The following SLC26A11 variants were observed in gnomAD, a reference collection of about 807,000 sequenced individuals.
The protein encoded by SLC26A11 is sodium-independent sulfate anion transporter.
In SLC26A11, 58 loss-of-function variants were observed where a neutral mutation model predicts 62.2. That is an observed-to-expected ratio of 0.93 (90% confidence interval 0.76 to 1.16). SLC26A11 has a LOEUF of 1.16. Ranked by LOEUF, SLC26A11 falls within the 50% of genes most tolerant of loss-of-function variation. The pLI, the probability that SLC26A11 is intolerant of heterozygous loss-of-function variation, is 0.00. For missense variants in SLC26A11, 790 were observed against 794.3 expected (o/e 0.99, Z 0.06); for synonymous variants, 411 against 368.9 (o/e 1.11, Z -1.31).
Position 80,227,833 on chromosome 17 carries a change from C to G in SLC26A11, c.609C>G (p.Val203=), listed in dbSNP as rs749451549. 1.2e-5 allele frequency: 19 copies of G among 1,603,896 alleles called. No homozygotes were observed. Among genetic ancestry groups the G allele is most frequent in the African/African-American group, 2.7e-5 (2 of 74,926 alleles). ...CTGTCCACAGGGTAGGTGACGCCGT[C>G]CTGGGGCTGGTCTGCATGCTGCTGC... ...RIAETRVGDA[V]LGLVCMLLLL... The change falls in exon 7 of 18, where the codon GTC becomes GTG. Residue 203 remains valine, a synonymous_variant. Transcript: ENST00000361193.
chr17:80,240,195 G>A (rs1283332901), intron 9 of SLC26A11, among the ~76,000 whole-genome samples: 3 of 152,040 alleles, frequency 2.0e-5, no homozygotes, highest in Non-Finnish European at 4.4e-5. Flanking sequence ...GTGAAACCCC[G>A]TCTCTACTAA....
In SLC26A11 at chr17:80,228,929, C is replaced by G. The variant is rs992776053; in HGVS notation, c.736+969C>G. Among the ~76,000 whole-genome samples, 1 of 152,170 alleles carries G rather than the reference C, an allele frequency of 6.6e-6. No homozygotes were observed. The highest frequency in any genetic ancestry group is 1.5e-5 in the Non-Finnish European group (1 of 68,012). On this transcript the variant is annotated intron_variant, in intron 7 of 17. Coordinates refer to ENST00000361193, the MANE Select transcript of SLC26A11 (RefSeq NM_001166347.2). This position sits in a 1 kb window ranked among gnomAD's most constrained non-coding sequence, Gnocchi z 4.1. ...GCAGGGCTGTCAGCAGGTGAAGGAC[C>G]ACCCTGGGGGAGGTGGAAGCCTCTT...
rs143498900 is a variant in SLC26A11, at chr17:80,237,074, G to C, written c.883G>C (p.Gly295Arg). The C allele has an allele frequency of 2.5e-6, 4 of 1,613,444 alleles. No individual in the cohort carries two copies. The Admixed American group carries it at 6.7e-5, about 27-fold the overall frequency. Residue 295 changes from glycine (G) to arginine (R), a missense_variant, in exon 8 of 18, where the codon GGG (glycine) becomes CGG (arginine). Coordinates refer to ENST00000361193, the MANE Select transcript of SLC26A11 (RefSeq NM_001166347.2). ...GCCCTTCTCAGTGACCACAGCCAAC[G>C]GGACGATCTCCTTCACCGAGATGGT... ...IPPFSVTTAN[G>R]TISFTEMVQD...
Position 80,252,558 on chromosome 17 carries a change from C to T in SLC26A11, c.1730-67C>T, listed in dbSNP as rs2043182773. The T allele has an allele frequency of 6.7e-7, 1 of 1,495,068 alleles. No homozygotes were observed. The allele number at this position is 1,495,068 out of a possible 1,614,324, so 92.6% of individuals were successfully genotyped here. A position where few individuals can be genotyped will look rare whatever the true frequency, so the allele number is the denominator to read the frequency against. Reference sequence around the variant, plus strand: ...TCTGGAAGGCCCTCCTTAATCCCTTCCTGTGAACTGACCCATCCTCACTTC... The same window carrying T: ...TCTGGAAGGCCCTCCTTAATCCCTTTCTGTGAACTGACCCATCCTCACTTC... On this transcript the variant is annotated intron_variant, in intron 17 of 17. Coordinates refer to ENST00000361193, the MANE Select transcript of SLC26A11 (RefSeq NM_001166347.2). This position sits in a 1 kb window ranked among gnomAD's most constrained non-coding sequence, Gnocchi z 5.2.
In SLC26A11 at chr17:80,244,506, G is replaced by A. The variant is rs188527186; in HGVS notation, c.1037-690G>A. ...CCCCTCTGTTCTGCGTGGGGAAGGC[G>A]TGTCCTGGTCACACAGGAGAGGCTG... is the stretch of plus-strand genomic sequence containing the variant. On this transcript the variant is annotated intron_variant, in intron 10 of 17. Transcript: ENST00000361193. 2.3e-4 allele frequency among the ~76,000 whole-genome samples: 35 copies of A among 152,314 alleles called. No homozygotes were observed. The East Asian group carries it at 5.0e-3, about 22-fold the overall frequency.
In SLC26A11 at chr17:80,225,824, T is replaced by C. The variant is rs1262965911; in HGVS notation, c.514-13T>C. The C allele has an allele frequency of 1.2e-6, 2 of 1,612,870 alleles. No individual in the cohort carries two copies. The highest frequency in any genetic ancestry group is 1.7e-5 in the Admixed American group (1 of 59,988). ...GAGCATAGCCTCTGATCAGCATCTC[T>C]GTGTTTGGACAGAACCTGCTGGGAC... On this transcript the variant is annotated splice_polypyrimidine_tract_variant and intron_variant, in intron 5 of 17. Transcript: ENST00000361193.
At chr17:80,232,735 C>T (rs545327364) in intron 7 of SLC26A11, among the ~76,000 whole-genome samples, 2 of 152,128 alleles carry the variant, frequency 1.3e-5, no homozygotes, top group Non-Finnish European at 2.9e-5. Flanking sequence ...CTGTTTGTTT[C>T]CTGTTTGTCT....
chr17:80,247,955 G>A (rs1255202248), intron 13 of SLC26A11, among the ~76,000 whole-genome samples, 175 bp from the exon 14 acceptor site: 1 of 152,168 alleles, frequency 6.6e-6, no homozygotes, highest in African/African-American at 2.4e-5. Context: ...TCTTTCTTTC[G>A]ACTTGAAGCA....
Position 80,241,662 on chromosome 17 carries a change from A to G in SLC26A11, c.986-109A>G, listed in dbSNP as rs1203463362. ...TTTAGATGTGTATTCTTAGATTTAC[A>G]AAACTTATTGCCGTGTGTAGAAATT... On this transcript the variant is annotated intron_variant, in intron 9 of 17. Coordinates refer to ENST00000361193, the MANE Select transcript of SLC26A11 (RefSeq NM_001166347.2). The G allele has an allele frequency of 5.2e-6, 6 of 1,163,988 alleles. No individual in the cohort carries two copies. In the East Asian group the frequency reaches 1.4e-4, roughly 27 times the overall value. 72.1% of individuals were successfully genotyped at this position (1,163,988 alleles called of 1,614,324 possible).
intron 5 of SLC26A11, chr17:80,225,568 T>C (rs1342623381): frequency 2.5e-6 from 1 of 403,936 alleles, no homozygotes; most frequent in Admixed American, 4.3e-5. Flanking sequence ...TTGTTTTTTA[T>C]GAGAAAAGTA....
rs567560104 is a variant in SLC26A11 at position 80,246,758 on chromosome 17, G to A, written c.1294+109G>A. ...CAGCCCCCTCTGTGGGGCTGGGACT[G>A]GGAAGTTAGGGCAGTCCCGGAACAG... On this transcript the variant is annotated intron_variant, in intron 13 of 17. Coordinates refer to ENST00000361193, the MANE Select transcript of SLC26A11 (RefSeq NM_001166347.2). This position sits in a 1 kb window ranked among gnomAD's most constrained non-coding sequence, Gnocchi z 4.4. 7.1e-6 allele frequency: 10 copies of A among 1,410,778 alleles called. No homozygotes were observed. In the South Asian group the frequency reaches 1.2e-4, roughly 17 times the overall value. The allele number at this position is 1,410,778 out of a possible 1,614,324, so 87.4% of individuals were successfully genotyped here. A position where few individuals can be genotyped will look rare whatever the true frequency, so the allele number is the denominator to read the frequency against.
chr17:80,250,672 C>T (rs889759202), intron 16 of SLC26A11, among the ~76,000 whole-genome samples: 1 of 150,564 alleles, frequency 6.6e-6, no homozygotes, highest in African/African-American at 2.5e-5. Flanking sequence ...ACTAAAAATA[C>T]AAAAATTAGA....
rs748905494 is a variant in SLC26A11, at chr17:80,246,485, C to T, written c.1154-24C>T. On this transcript the variant is annotated intron_variant, in intron 12 of 17. Coordinates refer to ENST00000361193, the MANE Select transcript of SLC26A11 (RefSeq NM_001166347.2). This position sits in a 1 kb window ranked among gnomAD's most constrained non-coding sequence, Gnocchi z 4.4. ...TGGGGGGACCCTGCACTCCCGAGGTCACCTGTGTTCCCGTGCCCCGCAGGA... is the reference window on the plus strand; with the variant it reads ...TGGGGGGACCCTGCACTCCCGAGGTTACCTGTGTTCCCGTGCCCCGCAGGA... The T allele has an allele frequency of 6.2e-7, 1 of 1,606,822 alleles. No individual in the cohort carries two copies. The highest frequency in any genetic ancestry group is 1.7e-5 in the Admixed American group (1 of 60,004).
At position 80,238,811 on chromosome 17, in the gene SLC26A11, G is replaced by GGTTTTTTTTTTTTT. The variant is rs1555629117; in HGVS notation, c.985+1217_985+1218insGTTTTTTTTTTTTT. Among the ~76,000 whole-genome samples the GGTTTTTTTTTTTTT allele has an allele frequency of 7.3e-5, 9 of 123,262 alleles. 1 individual carries two copies. The highest frequency in any genetic ancestry group is 3.1e-4 in the African/African-American group (9 of 29,230). 80.9% of individuals were successfully genotyped at this position (123,262 alleles called of 152,430 possible). A position where few individuals can be genotyped will look rare whatever the true frequency, so the allele number is the denominator to read the frequency against. On this transcript the variant is annotated intron_variant, in intron 9 of 17. Transcript: ENST00000361193. ...TCTAACCCTTACCCCCTTCAAAGGA[G>GGTTTTTTTTTTTTT]TTTTTTTTGTTTTTTGTTTTTTTTT...
chr17:80,241,751 T>G lies in SLC26A11; in HGVS notation c.986-20T>G. ...ATGTTGAATATTACTGACCAGGTCTTTACCGTTGGTTCCCTTTAGCATCTC... is the reference window on the plus strand; with the variant it reads ...ATGTTGAATATTACTGACCAGGTCTGTACCGTTGGTTCCCTTTAGCATCTC... On this transcript the variant is annotated intron_variant, in intron 9 of 17. Transcript: ENST00000361193. 1 of 1,613,926 alleles carries G rather than the reference T, an allele frequency of 6.2e-7. No individual in the cohort carries two copies. Among genetic ancestry groups the G allele is most frequent in the Non-Finnish European group, 8.5e-7 (1 of 1,179,766 alleles).
chr17:80,237,164 C>G, intron 8 of SLC26A11, 61 bp downstream of exon 8: 1 of 1,561,902 alleles, frequency 6.4e-7, no homozygotes, highest in Non-Finnish European at 8.7e-7. Flanking sequence ...TGGCCTGGCT[C>G]CTACCCTGAT....
chr17:80,224,378 C>T (rs533782237), intron 5 of SLC26A11, among the ~76,000 whole-genome samples: 8,642 of 127,730 alleles, frequency 0.068, 336 homozygotes, highest in Middle Eastern at 0.14. Context: ...TGAGTGCGCG[C>T]GCGCGTGTGT....
In SLC26A11 at chr17:80,246,192, C is replaced by CG. The variant is rs1310691913; in HGVS notation, c.1142dup (p.Leu382ProfsTer50). On this transcript the variant is annotated frameshift_variant, in exon 12 of 18. Coordinates refer to ENST00000361193, the MANE Select transcript of SLC26A11 (RefSeq NM_001166347.2). LOFTEE classifies it high-confidence loss of function. This position sits in a 1 kb window ranked among gnomAD's most constrained non-coding sequence, Gnocchi z 4.4. Reference sequence around the variant, plus strand: ...GCTCAGTCGGGGGTGTGCACCCCGGCGGGGGGCCTGGTGACGGGTAAGGCC... The same window carrying CG: ...GCTCAGTCGGGGGTGTGCACCCCGGCGGGGGGGCCTGGTGACGGGTAAGGCC... 1.9e-6 allele frequency: 3 copies of CG among 1,612,192 alleles called. No homozygotes were observed. The highest frequency in any genetic ancestry group is 8.5e-7 in the Non-Finnish European group (1 of 1,179,630).
intron 7 of SLC26A11, among the ~76,000 whole-genome samples, chr17:80,234,007 T>C (rs1323236920): frequency 5.9e-5 from 9 of 152,114 alleles, no homozygotes; most frequent in Non-Finnish European, 1.5e-5. Flanking sequence ...AAGTTATTTA[T>C]TATTTTTTTT....
Sources: allele counts gnomAD v4.1 joint callset (sites outside exome capture counted in the v4.1 genomes callset), GRCh38; gene constraint gnomAD v4.1.1; non-coding constraint Gnocchi (gnomAD v3.1); transcripts MANE v1.5; gene names NCBI Gene and HGNC (gene_info 2026-07-23, HGNC 2026-07-21).